Variants in SLC27A1 observed in about 807,000 individuals in gnomAD.
SLC27A1 encodes the protein long-chain fatty acid transport protein 1.
In SLC27A1, 61 loss-of-function variants were observed where a neutral mutation model predicts 62.2. The ratio of observed to expected loss-of-function variants is 0.98; its 90% CI spans 0.80 to 1.21. The LOEUF is 1.21. SLC27A1 is among the 50% of genes most tolerant of loss of function. The pLI, the probability that SLC27A1 is intolerant of heterozygous loss-of-function variation, is 0.00. For missense variants in SLC27A1, 903 were observed against 932.1 expected, an observed-to-expected ratio of 0.97 and a Z score of 0.41; for synonymous variants, 435 against 408.6, an observed-to-expected ratio of 1.06 and a Z score of -0.78.
At chr19:17,500,946 A>G in intron 10 of SLC27A1, 70 bp downstream of exon 10, 1 of 1,468,118 alleles carries the variant, frequency 6.8e-7, no homozygotes, top group South Asian at 1.4e-5. Context: ...GGGGCTTAGA[A>G]GTACACATGC....
At chr19:17,501,893 C>T (rs1227070089) in intron 11 of SLC27A1, among the ~76,000 whole-genome samples, 4 of 151,372 alleles carry the variant, frequency 2.6e-5, no homozygotes, top group Non-Finnish European at 5.9e-5. Context: ...AGGTGGATCA[C>T]CTGAGGTCAG....
At chr19:17,469,716 G>A (rs1343228546), upstream of SLC27A1, among the ~76,000 whole-genome samples, 3 of 152,126 alleles carry the variant, frequency 2.0e-5, no homozygotes, top group African/African-American at 7.2e-5. Context: ...AAGAGGGGCG[G>A]GGCCTAGGTC....
chr19:17,486,112 G>A lies in SLC27A1; in HGVS notation c.168-451G>A, dbSNP rs1283193699. On this transcript the variant is annotated intron_variant, in intron 1 of 11. Coordinates refer to ENST00000252595, the MANE Select transcript of SLC27A1 (RefSeq NM_198580.3). The surrounding 1 kb of genome is among the most constrained non-coding windows in gnomAD (Gnocchi z 6.6). ...GGGGGCACACGTGCTAGATGCTTCA[G>A]CCATCTGTCCCTGGTGCCACCCAGT... Among the ~76,000 whole-genome samples the A allele has an allele frequency of 6.6e-6, 1 of 152,206 alleles. No individual in the cohort carries two copies. Among genetic ancestry groups the A allele is most frequent in the East Asian group, 1.9e-4 (1 of 5,186 alleles).
chr19:17,475,922 T>C (rs1599639802), intron 1 of SLC27A1, among the ~76,000 whole-genome samples: 1 of 152,214 alleles, frequency 6.6e-6, no homozygotes. Context: ...AGTACAGGAA[T>C]CCACTGCCTG....
In SLC27A1 at chr19:17,486,438, G is replaced by T; in HGVS notation, c.168-125G>T. 1 of 1,186,020 alleles carries T rather than the reference G, an allele frequency of 8.4e-7. No individual in the cohort carries two copies. Among genetic ancestry groups the T allele is most frequent in the Non-Finnish European group, 1.1e-6 (1 of 874,484 alleles). 73.5% of individuals were successfully genotyped at this position (1,186,020 alleles called of 1,614,324 possible). On this transcript the variant is annotated intron_variant, in intron 1 of 11. Coordinates refer to ENST00000252595, the MANE Select transcript of SLC27A1 (RefSeq NM_198580.3). The surrounding 1 kb of genome is among the most constrained non-coding windows in gnomAD (Gnocchi z 6.6). ...CCACTGAGAGATCCAGCCACCAAAA[G>T]TTTCACCATAGACCTCATCAAAGCC...
At position 17,470,712 on chromosome 19, in the gene SLC27A1, G is replaced by A; in HGVS notation, c.167+5G>A. On this transcript the variant is annotated splice_donor_5th_base_variant and intron_variant, in intron 1 of 11. Transcript: ENST00000252595. ...GACCGCGAGGCGAGACCTCTTGTGA[G>A]TGTTGCCGGGATCCGTCCAGGGCTG... The A allele has an allele frequency of 6.3e-7, 1 of 1,578,546 alleles. No homozygotes were observed. The highest frequency in any genetic ancestry group is 8.6e-7 in the Non-Finnish European group (1 of 1,168,672).
Position 17,500,352 on chromosome 19 carries a change from C to T in SLC27A1, c.1281C>T (p.Asp427=), listed in dbSNP as rs148533527. Reference sequence around the variant, plus strand: ...TCCGGCTGGTGAAGGTCAATGAGGACACAATGGAGCTGCTGCGGGATGCCC... The same window carrying T: ...TCCGGCTGGTGAAGGTCAATGAGGATACAATGGAGCTGCTGCGGGATGCCC... The part of the protein sequence containing the change: ...YPIRLVKVNE[D]TMELLRDAQG... Residue 427 remains aspartate, a synonymous_variant, in exon 8 of 12, where the codon GAC becomes GAT. Coordinates refer to ENST00000252595, the MANE Select transcript of SLC27A1 (RefSeq NM_198580.3). 7 of 1,614,082 alleles carry T rather than the reference C, an allele frequency of 4.3e-6. No homozygotes were observed. Among genetic ancestry groups the T allele is most frequent in the African/African-American group, 1.3e-5 (1 of 74,938 alleles).
rs1356278346 is a variant in SLC27A1, at chr19:17,470,602, G to C, written c.62G>C (p.Gly21Ala). 1 of 1,567,518 alleles carries C rather than the reference G, an allele frequency of 6.4e-7. No homozygotes were observed. The highest frequency in any genetic ancestry group is 2.3e-5 in the East Asian group (1 of 42,902). ...TCGCTGGCGCTGTTGTGGCTGCTGGGGCTGCCGTGGACCTGGAGCGCGGCA... is the reference window on the plus strand; with the variant it reads ...TCGCTGGCGCTGTTGTGGCTGCTGGCGCTGCCGTGGACCTGGAGCGCGGCA... Reference protein sequence around the residue: ...VVSLALLWLLGLPWTWSAAAA... With the variant: ...VVSLALLWLLALPWTWSAAAA... The change falls in exon 1 of 12, where the codon GGG (glycine) becomes GCG (alanine). Residue 21 changes from glycine (G) to alanine (A), a missense_variant. Coordinates refer to ENST00000252595, the MANE Select transcript of SLC27A1 (RefSeq NM_198580.3).
chr19:17,487,429 G>T, intron 3 of SLC27A1, 31 bp from the exon 4 acceptor site: 1 of 1,561,670 alleles, frequency 6.4e-7, no homozygotes. Flanking sequence ...CAATGCTCAG[G>T]CCCCACCCCT....
In SLC27A1 at chr19:17,470,706, T is replaced by C; in HGVS notation, c.166T>C (p.Phe56Leu). Residue 56 changes from phenylalanine to leucine, a missense_variant and splice_region_variant, in exon 1 of 12, where the codon TTC (phenylalanine) becomes CTC (leucine). Coordinates refer to ENST00000252595, the MANE Select transcript of SLC27A1 (RefSeq NM_198580.3). ...IVCKTARRDL[F>L]GLSVLIRVRL... ...CTGCAAGACCGCGAGGCGAGACCTC[T>C]TGTGAGTGTTGCCGGGATCCGTCCA... is the stretch of plus-strand genomic sequence containing the variant. 1 of 1,577,376 alleles carries C rather than the reference T, an allele frequency of 6.3e-7. No individual in the cohort carries two copies.
intron 1 of SLC27A1, among the ~76,000 whole-genome samples, chr19:17,484,272 A>G (rs2075207417): frequency 6.6e-6 from 1 of 152,064 alleles, no homozygotes; most frequent in Non-Finnish European, 1.5e-5. Context: ...CAAAGGAGGG[A>G]ATGAAAGAGT....
At chr19:17,498,924 T>C (rs1277134540) in intron 7 of SLC27A1, 1 of 152,788 alleles carries the variant, frequency 6.5e-6, no homozygotes, top group East Asian at 1.9e-4. Flanking sequence ...GTACTTTCAC[T>C]AATTTTGCTA....
At chr19:17,482,081 G>C (rs1424041576) in intron 1 of SLC27A1, among the ~76,000 whole-genome samples, 1 of 152,184 alleles carries the variant, frequency 6.6e-6, no homozygotes, top group Non-Finnish European at 1.5e-5. Flanking sequence ...CTGTGCTCCA[G>C]GAGAGCTGGG....
chr19:17,487,413 A>AC (rs772153974), intron 3 of SLC27A1, 47 bp from the exon 4 acceptor site: 34 of 221,512 alleles, frequency 1.5e-4, no homozygotes, highest in Middle Eastern at 3.5e-3. Flanking sequence ...TCCAGGCCCC[A>AC]CCCCCCAATG....
chr19:17,471,636 A>ACCT (rs1244277237), intron 1 of SLC27A1, among the ~76,000 whole-genome samples: 1 of 152,146 alleles, frequency 6.6e-6, no homozygotes, highest in Non-Finnish European at 1.5e-5. Context: ...CAACACCTTC[A>ACCT]CAGCTCCTTG....
intron 1 of SLC27A1, among the ~76,000 whole-genome samples, chr19:17,484,733 C>T (rs769250155): frequency 7.9e-5 from 12 of 152,064 alleles, no homozygotes; most frequent in Middle Eastern, 3.4e-3. Flanking sequence ...AGGGAAAGAA[C>T]GAAGAAGAGC....
At chr19:17,470,473 T>G (rs1280112956), upstream of SLC27A1, 136 of 1,320,724 alleles carry the variant, frequency 1.0e-4, no homozygotes, top group African/African-American at 2.4e-4. Flanking sequence ...GGGGCGGTCG[T>G]GGGGCGGAGC....
chr19:17,470,450 C>A (rs531848846), upstream of SLC27A1: 1,930 of 1,332,542 alleles, frequency 1.4e-3, 19 homozygotes, highest in African/African-American at 0.029. Context: ...GGGCGCGGCT[C>A]GCTGTAGAGG....
chr19:17,490,467 T>TA (rs144515315), intron 6 of SLC27A1, among the ~76,000 whole-genome samples: 1 of 151,682 alleles, frequency 6.6e-6, no homozygotes, highest in Non-Finnish European at 1.5e-5. Flanking sequence ...AATTATCTTT[T>TA]AAAAAAAATT....
Sources: gnomAD v4.1 joint callset for allele counts (sites outside exome capture counted in the v4.1 genomes callset) on GRCh38, gnomAD v4.1.1 for gene constraint, Gnocchi (gnomAD v3.1) non-coding constraint, MANE v1.5 for transcripts, NCBI Gene and HGNC (gene_info 2026-07-23, HGNC 2026-07-21) for gene names.